Variants in RCAN2 observed in about 807,000 individuals in gnomAD.
RCAN2 encodes the protein calcipressin-2.
In RCAN2, 9 loss-of-function variants were observed where a neutral mutation model predicts 23.6. The observed-to-expected ratio is 0.38, with a 90% confidence interval of 0.23 to 0.67. The LOEUF (loss-of-function observed/expected upper bound fraction) is 0.67, where lower values mean the gene tolerates loss of function less well. RCAN2 is among the 30% of genes least tolerant of loss of function. The probability of loss-of-function intolerance (pLI) is 0.51; values close to 1 mark genes in which losing one functional copy is unlikely to be tolerated. For missense variants in RCAN2, 273 were observed against 302.3 expected, an observed-to-expected ratio of 0.90 and a Z score of 0.72; for synonymous variants, 109 against 115.7, an observed-to-expected ratio of 0.94 and a Z score of 0.37.
intron 1 of RCAN2, among the ~76,000 whole-genome samples, chr6:46,467,167 T>C (rs1453593036): frequency 6.6e-6 from 1 of 152,196 alleles, no homozygotes; most frequent in African/African-American, 2.4e-5. Flanking sequence ...GAGCTGTGTC[T>C]TACCTGCCTG....
At chr6:46,469,337 C>A (rs1437265306) in intron 1 of RCAN2, among the ~76,000 whole-genome samples, 2 of 152,174 alleles carry the variant, frequency 1.3e-5, no homozygotes, top group South Asian at 2.1e-4. Context: ...AGAAAAAAAA[C>A]AAACTGAAAC....
At chr6:46,376,289 C>G (rs1167741949) in intron 2 of RCAN2, among the ~76,000 whole-genome samples, 1 of 152,236 alleles carries the variant, frequency 6.6e-6, no homozygotes, top group African/African-American at 2.4e-5. Context: ...TAATGAAAAT[C>G]TATCCCTTGC....
chr6:46,245,817 T>C (rs1274353579), intron 4 of RCAN2, among the ~76,000 whole-genome samples: 2 of 152,114 alleles, frequency 1.3e-5, no homozygotes, highest in African/African-American at 4.8e-5. Flanking sequence ...CTCCTTCCTA[T>C]CCCAAGATAA....
chr6:46,222,129 T>C lies in RCAN2; in HGVS notation c.*1012A>G, dbSNP rs746871395. The C allele has an allele frequency of 2.3e-4, 92 of 396,692 alleles. No individual in the cohort carries two copies. The highest frequency in any genetic ancestry group is 3.9e-4 in the Non-Finnish European group (88 of 225,046). The allele number at this position is 396,692 out of a possible 1,614,324, so 24.6% of individuals were successfully genotyped here. A position where few individuals can be genotyped will look rare whatever the true frequency, so the allele number is the denominator to read the frequency against. The stretch of plus-strand genomic sequence containing the variant: ...CATGTATATATTGGCATTAGATGTT[T>C]TGTGTCCTTTCAAAATTCAGCATTA... On this transcript the variant is annotated 3_prime_UTR_variant, in exon 5 of 5. Transcript: ENST00000371374.
intron 2 of RCAN2, among the ~76,000 whole-genome samples, chr6:46,275,535 C>A (rs2150335466): frequency 6.6e-6 from 1 of 152,220 alleles, no homozygotes; most frequent in South Asian, 2.1e-4. Context: ...AGTCATTGTT[C>A]TTTTAATGGT....
intron 2 of RCAN2, among the ~76,000 whole-genome samples, chr6:46,454,239 T>C (rs933059123): frequency 2.0e-5 from 3 of 152,264 alleles, no homozygotes; most frequent in African/African-American, 4.8e-5. Flanking sequence ...TGGAGTATGA[T>C]ACTTAATGTC....
intron 2 of RCAN2, among the ~76,000 whole-genome samples, chr6:46,365,698 T>A (rs1765154351): frequency 6.6e-6 from 1 of 152,158 alleles, no homozygotes; most frequent in Admixed American, 6.5e-5. Flanking sequence ...TAGTCTCAAA[T>A]TTTATACTTA....
chr6:46,454,047 A>G (rs1029767302), intron 2 of RCAN2, among the ~76,000 whole-genome samples: 1 of 152,204 alleles, frequency 6.6e-6, no homozygotes, highest in African/African-American at 2.4e-5. Context: ...AGCCTTGCCC[A>G]TAGGCCAATA....
Position 46,225,396 on chromosome 6 carries a change from C to T in RCAN2, c.572-2095G>A, listed in dbSNP as rs368568152. ...AAGGCTGAACTAGTTTACAGTCCCACCAACAGTGTAAAAGTGTTCCTATTT... is the reference window on the plus strand; with the variant it reads ...AAGGCTGAACTAGTTTACAGTCCCATCAACAGTGTAAAAGTGTTCCTATTT... On this transcript the variant is annotated intron_variant, in intron 4 of 4. Coordinates refer to ENST00000371374, the MANE Select transcript of RCAN2 (RefSeq NM_001251974.2). 5.3e-5 allele frequency among the ~76,000 whole-genome samples: 8 copies of T among 152,216 alleles called. No homozygotes were observed. In the East Asian group the frequency reaches 9.6e-4, roughly 18 times the overall value.
intron 1 of RCAN2, among the ~76,000 whole-genome samples, chr6:46,490,182 G>A (rs1769100162): frequency 6.6e-6 from 1 of 152,212 alleles, no homozygotes; most frequent in African/African-American, 2.4e-5. Context: ...TGCATGATAA[G>A]TTGAGTGAAA....
chr6:46,251,124 C>T (rs1023412344), intron 2 of RCAN2, among the ~76,000 whole-genome samples: 3 of 152,148 alleles, frequency 2.0e-5, no homozygotes, highest in Non-Finnish European at 4.4e-5. Context: ...CTCCTTTTCC[C>T]ATCACGAACA....
At chr6:46,325,899 G>A in intron 2 of RCAN2, 4 of 984,784 alleles carry the variant, frequency 4.1e-6, no homozygotes, top group Non-Finnish European at 4.8e-6. Context: ...AAAAGCAGGA[G>A]GGGGTGAATC....
chr6:46,428,848 T>C lies in RCAN2; in HGVS notation c.225+27904A>G, dbSNP rs556602141. 2.0e-5 allele frequency among the ~76,000 whole-genome samples: 3 copies of C among 152,352 alleles called. No individual in the cohort carries two copies. The South Asian group carries it at 6.2e-4, about 32-fold the overall frequency. ...CTCCATCTGCTTTCTTCTCAAAATG[T>C]GTTAAAATCTCTTGACAGGTGATAT... On this transcript the variant is annotated intron_variant, in intron 2 of 4. Transcript: ENST00000371374.
At chr6:46,441,561 G>A (rs2150422829) in intron 2 of RCAN2, among the ~76,000 whole-genome samples, 1 of 152,202 alleles carries the variant, frequency 6.6e-6, no homozygotes, top group South Asian at 2.1e-4. Context: ...GGAAAGGTAG[G>A]TTTTGAACAA....
rs542614590 is a variant in RCAN2 at position 46,360,682 on chromosome 6, CA to C, written c.225+96069del. On this transcript the variant is annotated intron_variant, in intron 2 of 4. Transcript: ENST00000371374. Reference sequence around the variant, plus strand: ...CAGCAGAGGCTGGACTTATAAGGTACAAAAACAAGTGGATACGTTCTGCTTT... The same window carrying C: ...CAGCAGAGGCTGGACTTATAAGGTACAAAACAAGTGGATACGTTCTGCTTT... Among the ~76,000 whole-genome samples, 18 of 151,608 alleles carry C rather than the reference CA, an allele frequency of 1.2e-4. No individual in the cohort carries two copies. The South Asian group carries it at 3.8e-3, about 32-fold the overall frequency.
intron 2 of RCAN2, among the ~76,000 whole-genome samples, chr6:46,424,756 T>C (rs920234203): frequency 6.6e-6 from 1 of 152,172 alleles, no homozygotes; most frequent in Non-Finnish European, 1.5e-5. Context: ...GGAGATAATG[T>C]ATCTTCCACC....
intron 4 of RCAN2, among the ~76,000 whole-genome samples, chr6:46,233,433 T>C (rs1468010087): frequency 6.6e-6 from 1 of 152,160 alleles, no homozygotes; most frequent in African/African-American, 2.4e-5. Flanking sequence ...TGGTGGCCAC[T>C]GTAGTTTCAT....
intron 2 of RCAN2, among the ~76,000 whole-genome samples, chr6:46,367,986 T>C (rs1482396493): frequency 6.6e-6 from 1 of 152,206 alleles, no homozygotes; most frequent in Non-Finnish European, 1.5e-5. Flanking sequence ...TGGCCAGCTA[T>C]ATCATTTAGG....
intron 2 of RCAN2, among the ~76,000 whole-genome samples, chr6:46,387,743 C>T (rs1015519667): frequency 2.6e-5 from 4 of 152,248 alleles, no homozygotes; most frequent in African/African-American, 9.6e-5. Context: ...CCCAGCGATC[C>T]CATTATTGGG....
Sources: allele counts gnomAD v4.1 joint callset (sites outside exome capture counted in the v4.1 genomes callset), GRCh38; gene constraint gnomAD v4.1.1; transcripts MANE v1.5; gene names NCBI Gene and HGNC (gene_info 2026-07-23, HGNC 2026-07-21).